The following SGSM3 variants were observed in gnomAD, a reference collection of about 807,000 sequenced individuals.
SGSM3 encodes small G protein signaling modulator 3.
In SGSM3, 96 loss-of-function variants were observed where a neutral mutation model predicts 100.5. That is an observed-to-expected ratio of 0.96 (90% CI 0.81 to 1.13). The LOEUF (loss-of-function observed/expected upper bound fraction) is 1.13, where lower values mean the gene tolerates loss of function less well. SGSM3 is among the 50% of genes most tolerant of loss of function. The pLI is 0.00. For missense variants in SGSM3, 1,001 were observed against 1,015.8 expected (o/e 0.99, Z 0.20); for synonymous variants, 483 against 422.8 (o/e 1.14, Z -1.75).
intron 1 of SGSM3, among the ~76,000 whole-genome samples, chr22:40,383,933 A>G (rs1194924186): frequency 6.6e-6 from 1 of 152,192 alleles, no homozygotes; most frequent in East Asian, 1.9e-4. Flanking sequence ...TAGACTTGCA[A>G]CTGATTTGAT....
At chr22:40,392,627 A>T (rs17001876) in intron 1 of SGSM3, among the ~76,000 whole-genome samples, 1 of 152,082 alleles carries the variant, frequency 6.6e-6, no homozygotes, top group Admixed American at 6.5e-5. Context: ...AAAAAAGTCA[A>T]CCTTCTTACT....
chr22:40,396,721 T>C (rs1052591801), intron 1 of SGSM3, among the ~76,000 whole-genome samples: 1 of 149,682 alleles, frequency 6.7e-6, no homozygotes, highest in African/African-American at 2.5e-5. Context: ...GTTAAGAAAA[T>C]AGGACACAGG....
rs201981484 is a variant in SGSM3, at chr22:40,409,537, G to A, written c.2172+12G>A. 9.3e-6 allele frequency: 15 copies of A among 1,604,630 alleles called. No homozygotes were observed. In the South Asian group the frequency reaches 1.1e-4, roughly 12 times the overall value. ...CTGCGAAGAGAGAGGTGGGTGGTGT[G>A]GGCCTCGTAGGGCCTGCACTGATGG... On this transcript the variant is annotated intron_variant, in intron 21 of 21. Coordinates refer to ENST00000248929, the MANE Select transcript of SGSM3 (RefSeq NM_015705.6).
rs1416651867 is a variant in SGSM3, at chr22:40,404,415, C to A, written c.326C>A (p.Ser109Tyr). The A allele has an allele frequency of 1.2e-6, 2 of 1,607,560 alleles. No homozygotes were observed. ...VSLPRSEKLR[S>Y]LVLAGIPHGM... ...CTACCCCGCTCTGAGAAGCTCCGCT[C>A]CCTGGTGCTGGCCGGCATCCCACAT... The change falls in exon 5 of 22, where the codon TCC (serine) becomes TAC (tyrosine). Residue 109 changes from serine (S) to tyrosine (Y), a missense_variant. Physicochemically the swap from Ser to Tyr is moderately radical, Grantham distance 144 (BLOSUM62 -2). Coordinates refer to ENST00000248929, the MANE Select transcript of SGSM3 (RefSeq NM_015705.6).
intron 2 of SGSM3, among the ~76,000 whole-genome samples, chr22:40,401,273 G>A (rs1051568720): frequency 2.0e-5 from 3 of 151,380 alleles, no homozygotes; most frequent in African/African-American, 7.3e-5. Context: ...ATTTTTTTGA[G>A]GCAGAGTTTC....
At chr22:40,374,601 G>T (rs896802139) in intron 1 of SGSM3, among the ~76,000 whole-genome samples, 1 of 152,238 alleles carries the variant, frequency 6.6e-6, no homozygotes, top group Non-Finnish European at 1.5e-5. Context: ...TGTTGAATGG[G>T]GCCCAGTACG....
intron 1 of SGSM3, among the ~76,000 whole-genome samples, chr22:40,376,832 T>G (rs1274196463): frequency 6.6e-6 from 1 of 152,212 alleles, no homozygotes; most frequent in Non-Finnish European, 1.5e-5. Context: ...TTTTGAAGAT[T>G]AAATAAAATC....
intron 7 of SGSM3, 111 bp downstream of exon 7, chr22:40,405,395 C>G (rs892443631): frequency 1.7e-6 from 2 of 1,148,298 alleles, no homozygotes; most frequent in Non-Finnish European, 1.2e-6. Flanking sequence ...CTCCAGGACC[C>G]CTAACAAGGA....
At position 40,404,653 on chromosome 22, in the gene SGSM3, G is replaced by A. The variant is rs750651736; in HGVS notation, c.463G>A (p.Ala155Thr). Reference protein sequence around the residue: ...VKNSSNDETIAAKQIEKDLLR... With the variant: ...VKNSSNDETITAKQIEKDLLR... ...GAACAGCTCCAACGATGAGACCATC[G>A]CTGCCAAGCAGGTGAGGCCGGTGGC... is the stretch of plus-strand genomic sequence containing the variant. Residue 155 changes from alanine to threonine, a missense_variant, in exon 6 of 22, where the codon GCT (alanine) becomes ACT (threonine). Ala to Thr is a moderately conservative substitution (Grantham distance 58, BLOSUM62 0). Coordinates refer to ENST00000248929, the MANE Select transcript of SGSM3 (RefSeq NM_015705.6). The A allele has an allele frequency of 1.6e-5, 26 of 1,611,036 alleles. No homozygotes were observed. The highest frequency in any genetic ancestry group is 9.4e-5 in the African/African-American group (7 of 74,842).
At chr22:40,406,935 G>T (rs1442030166) in intron 10 of SGSM3, 82 bp from the exon 11 acceptor site, 1 of 1,350,478 alleles carries the variant, frequency 7.4e-7, no homozygotes, top group Non-Finnish European at 1.0e-6. Flanking sequence ...GGCTATTTCA[G>T]ATGAGACAGT....
chr22:40,386,013 G>A (rs1019862712), intron 1 of SGSM3, among the ~76,000 whole-genome samples: 2 of 149,274 alleles, frequency 1.3e-5, no homozygotes. Flanking sequence ...CACCATGCCC[G>A]GCTAATTTTT....
intron 1 of SGSM3, chr22:40,376,252 A>C (rs938106729): frequency 3.2e-5 from 4 of 126,902 alleles, no homozygotes; most frequent in African/African-American, 1.2e-4. Context: ...CCAACAATGA[A>C]GTTCAACTTA....
At chr22:40,390,362 ATTC>A (rs1185590607) in intron 1 of SGSM3, 5 of 152,174 alleles carry the variant, frequency 3.3e-5, no homozygotes, top group African/African-American at 1.2e-4. Flanking sequence ...GTATTTTCAC[ATTC>A]TTCTCACTCT....
intron 1 of SGSM3, among the ~76,000 whole-genome samples, chr22:40,389,953 G>C (rs1601900714): frequency 6.7e-6 from 1 of 148,932 alleles, no homozygotes; most frequent in Non-Finnish European, 1.5e-5. Flanking sequence ...GTAGTCATTA[G>C]ATTTAATGAA....
At position 40,404,584 on chromosome 22, in the gene SGSM3, CAGA is replaced by C. The variant is rs769253704; in HGVS notation, c.401_403del (p.Lys134del). The C allele has an allele frequency of 1.5e-5, 24 of 1,613,706 alleles. No individual in the cohort carries two copies. The South Asian group carries it at 2.3e-4, about 16-fold the overall frequency. ...GTGGATGCGGCTCTCTGGGGCCCTG[CAGA>C]AGAAGAGGAACTCTGAGCTGTCCTA... On this transcript the variant is annotated inframe_deletion, in exon 6 of 22. Transcript: ENST00000248929.
In SGSM3 at chr22:40,407,360, A is replaced by C; in HGVS notation, c.1368+32A>C. 2 of 1,612,916 alleles carry C rather than the reference A, an allele frequency of 1.2e-6. No individual in the cohort carries two copies. The highest frequency in any genetic ancestry group is 1.7e-6 in the Non-Finnish European group (2 of 1,179,594). On this transcript the variant is annotated intron_variant, in intron 12 of 21. Transcript: ENST00000248929. This position sits in a 1 kb window ranked among gnomAD's most constrained non-coding sequence, Gnocchi z 4.7. ...CGCCAGCTCCCTGGGCTGCTACCAAACACGGCCCTAACTCCTCCAACCCCC... is the reference window on the plus strand; with the variant it reads ...CGCCAGCTCCCTGGGCTGCTACCAACCACGGCCCTAACTCCTCCAACCCCC...
chr22:40,407,166 G>A lies in SGSM3; in HGVS notation c.1241-35G>A. Reference sequence around the variant, plus strand: ...AGCTTCCTCCTCGGGGGCCTGGAGTGGGCTGTGGTCACCATGGTTCTCTGG... The same window carrying A: ...AGCTTCCTCCTCGGGGGCCTGGAGTAGGCTGTGGTCACCATGGTTCTCTGG... On this transcript the variant is annotated intron_variant, in intron 11 of 21. Coordinates refer to ENST00000248929, the MANE Select transcript of SGSM3 (RefSeq NM_015705.6). This position sits in a 1 kb window ranked among gnomAD's most constrained non-coding sequence, Gnocchi z 4.7. 3.7e-6 allele frequency: 6 copies of A among 1,612,990 alleles called. No homozygotes were observed. Among genetic ancestry groups the A allele is most frequent in the Non-Finnish European group, 5.1e-6 (6 of 1,179,460 alleles).
chr22:40,371,853 C>A (rs944253627), intron 1 of SGSM3, among the ~76,000 whole-genome samples: 2 of 151,808 alleles, frequency 1.3e-5, no homozygotes. Flanking sequence ...CCCGCCACCA[C>A]GCCCGGCTAA....
intron 1 of SGSM3, among the ~76,000 whole-genome samples, chr22:40,375,568 G>GA (rs2146745562): frequency 6.8e-6 from 1 of 147,310 alleles, no homozygotes; most frequent in Admixed American, 6.8e-5. Flanking sequence ...TGACAAGAGT[G>GA]AAACTCTGTC....
Sources: gnomAD v4.1 joint callset for allele counts (sites outside exome capture counted in the v4.1 genomes callset) on GRCh38, gnomAD v4.1.1 for gene constraint, Gnocchi (gnomAD v3.1) non-coding constraint, MANE v1.5 for transcripts, NCBI Gene and HGNC (gene_info 2026-07-23, HGNC 2026-07-21) for gene names.